MARCHF3: variants seen among roughly 807,000 people sequenced by gnomAD.
MARCHF3 encodes membrane associated ring-CH-type finger 3.
In MARCHF3, 13 loss-of-function variants were observed where a neutral mutation model predicts 24.2. The ratio of observed to expected loss-of-function variants is 0.54; its 90% CI spans 0.35 to 0.85. The LOEUF is 0.85. Ranked by LOEUF, MARCHF3 falls within the 40% of genes least tolerant of loss-of-function variation. The pLI is 0.01. For missense variants in MARCHF3, 276 were observed against 325.0 expected, an observed-to-expected ratio of 0.85 and a Z score of 1.16; for synonymous variants, 144 against 137.3, an observed-to-expected ratio of 1.05 and a Z score of -0.34.
intron 3 of MARCHF3, among the ~76,000 whole-genome samples, chr5:126,910,685 C>G (rs6897653): frequency 0.39 from 59,716 of 152,050 alleles, 12,827 homozygotes; most frequent in Middle Eastern, 0.52. Flanking sequence ...TATGTCACCT[C>G]AGGACCCTGT....
At chr5:126,928,887 A>C (rs1332560197) in intron 1 of MARCHF3, among the ~76,000 whole-genome samples, 1 of 152,206 alleles carries the variant, frequency 6.6e-6, no homozygotes, top group Non-Finnish European at 1.5e-5. Context: ...TATATACTTC[A>C]GTATGAATTT....
At chr5:126,999,639 G>A (rs78289385) in intron 1 of MARCHF3, among the ~76,000 whole-genome samples, 1 of 152,136 alleles carries the variant, frequency 6.6e-6, no homozygotes, top group African/African-American at 2.4e-5. Context: ...GCCACTTTAG[G>A]GGGGCAGAGA....
At chr5:127,003,988 G>A (rs1171209218) in intron 1 of MARCHF3, among the ~76,000 whole-genome samples, 3 of 152,150 alleles carry the variant, frequency 2.0e-5, no homozygotes, top group Non-Finnish European at 2.9e-5. Flanking sequence ...GTGGCTGAGG[G>A]AGGCTGGGGG....
chr5:126,876,420 C>A (rs1346481402), intron 4 of MARCHF3, among the ~76,000 whole-genome samples: 1 of 152,166 alleles, frequency 6.6e-6, no homozygotes, highest in Non-Finnish European at 1.5e-5. Context: ...TCTCATAACA[C>A]CAGGGGAATT....
At chr5:126,893,685 T>G (rs1213517406) in intron 3 of MARCHF3, among the ~76,000 whole-genome samples, 80 of 138,098 alleles carry the variant, frequency 5.8e-4, no homozygotes, top group Middle Eastern at 3.5e-3. Flanking sequence ...TCTTTTACAT[T>G]TGCTGAGGAG....
At chr5:127,004,239 T>C (rs1363514773) in intron 1 of MARCHF3, among the ~76,000 whole-genome samples, 1 of 152,150 alleles carries the variant, frequency 6.6e-6, no homozygotes, top group South Asian at 2.1e-4. Flanking sequence ...CTGCTCCCTA[T>C]AAATAGGCTG....
intron 1 of MARCHF3, among the ~76,000 whole-genome samples, chr5:126,999,981 T>C (rs1752074485): frequency 6.7e-6 from 1 of 149,920 alleles, no homozygotes; most frequent in Non-Finnish European, 1.5e-5. Context: ...TTAGAATATA[T>C]ATTACATAGA....
intron 3 of MARCHF3, among the ~76,000 whole-genome samples, chr5:126,913,976 CTTTTTTT>C (rs1169856446): frequency 2.8e-5 from 3 of 107,904 alleles, no homozygotes; most frequent in East Asian, 2.7e-4. Flanking sequence ...CAATATCCAA[CTTTTTTT>C]TTTTTTTTTT....
chr5:126,999,274 C>T (rs927546665), intron 1 of MARCHF3, among the ~76,000 whole-genome samples: 1 of 152,088 alleles, frequency 6.6e-6, no homozygotes, highest in African/African-American at 2.4e-5. Context: ...AGATGGCAGA[C>T]TTTTTTTTCT....
rs981441827 is a variant in MARCHF3, at chr5:126,870,564, G to T, written c.*69C>A. 24 of 1,498,104 alleles carry T rather than the reference G, an allele frequency of 1.6e-5. No homozygotes were observed. Among genetic ancestry groups the T allele is most frequent in the Non-Finnish European group, 2.2e-5 (24 of 1,082,326 alleles). The allele number at this position is 1,498,104 out of a possible 1,614,324, so 92.8% of individuals were successfully genotyped here. A position where few individuals can be genotyped will look rare whatever the true frequency, so the allele number is the denominator to read the frequency against. On this transcript the variant is annotated 3_prime_UTR_variant, in exon 5 of 5. Coordinates refer to ENST00000308660, the MANE Select transcript of MARCHF3 (RefSeq NM_178450.5). ...AGGAAGGGCTTGGGGGTCGCTCAGT[G>T]CATGACCCCAGTGCAGACACTTCCA...
intron 3 of MARCHF3, among the ~76,000 whole-genome samples, chr5:126,891,996 G>A (rs1753708980): frequency 6.6e-6 from 1 of 151,486 alleles, no homozygotes; most frequent in Non-Finnish European, 1.5e-5. Flanking sequence ...CCTTGAAGAG[G>A]TCCTTCACAT....
chr5:126,995,382 T>G (rs1312598688), intron 1 of MARCHF3, among the ~76,000 whole-genome samples: 1 of 152,258 alleles, frequency 6.6e-6, no homozygotes, highest in Admixed American at 6.5e-5. Flanking sequence ...TTGTTGCACA[T>G]GTTCCTATCT....
chr5:126,886,392 C>A (rs1363565720), intron 3 of MARCHF3, among the ~76,000 whole-genome samples: 4 of 152,198 alleles, frequency 2.6e-5, no homozygotes, highest in Admixed American at 6.5e-5. Flanking sequence ...AAGATATGGG[C>A]TCGGAGGCAG....
rs539434178 is a variant in MARCHF3 at position 126,977,495 on chromosome 5, C to T, written c.-57+52855G>A. ...CTTCCTAAATCAAGGAATCGGCAAA[C>T]ATAAAATAAGGTAAACAAACATAAA... On this transcript the variant is annotated intron_variant, in intron 1 of 4. Transcript: ENST00000308660. Among the ~76,000 whole-genome samples, 12 of 152,242 alleles carry T rather than the reference C, an allele frequency of 7.9e-5. 2 individuals carry two copies. The South Asian group carries it at 2.5e-3, about 32-fold the overall frequency.
chr5:126,896,493 T>G (rs1442066172), intron 3 of MARCHF3, among the ~76,000 whole-genome samples: 1 of 152,076 alleles, frequency 6.6e-6, no homozygotes, highest in African/African-American at 2.4e-5. Context: ...ACATATACAT[T>G]TTTAGCTTGA....
intron 1 of MARCHF3, among the ~76,000 whole-genome samples, chr5:126,970,677 G>T (rs58646561): frequency 6.6e-6 from 1 of 151,980 alleles, no homozygotes; most frequent in Non-Finnish European, 1.5e-5. Flanking sequence ...GAATTTTATC[G>T]GTCCCAGGAT....
chr5:126,877,038 TC>T (rs1753185049), intron 4 of MARCHF3, among the ~76,000 whole-genome samples: 1 of 152,194 alleles, frequency 6.6e-6, no homozygotes, highest in East Asian at 1.9e-4. Flanking sequence ...ACCATAAGAC[TC>T]AGATAAGTTC....
intron 1 of MARCHF3, among the ~76,000 whole-genome samples, chr5:126,934,973 TC>T: frequency 6.6e-6 from 1 of 152,200 alleles, no homozygotes; most frequent in Non-Finnish European, 1.5e-5. Flanking sequence ...GAATAAAATG[TC>T]TGGTTATAGT....
At chr5:126,873,290 T>A (rs963853345) in intron 4 of MARCHF3, among the ~76,000 whole-genome samples, 1 of 151,958 alleles carries the variant, frequency 6.6e-6, no homozygotes, top group Non-Finnish European at 1.5e-5. Context: ...GTAATGCATA[T>A]AAAACACCTA....
Sources: allele counts gnomAD v4.1 joint callset (sites outside exome capture counted in the v4.1 genomes callset), GRCh38; gene constraint gnomAD v4.1.1; transcripts MANE v1.5; gene names NCBI Gene and HGNC (gene_info 2026-07-23, HGNC 2026-07-21).